The following SEMA5A variants were observed in gnomAD, a reference collection of about 807,000 sequenced individuals.
SEMA5A encodes semaphorin-5A.
A neutral mutation model predicts 135.5 loss-of-function variants in SEMA5A; 55 were observed. That is an observed-to-expected ratio of 0.41 (90% CI 0.33 to 0.51). The LOEUF (loss-of-function observed/expected upper bound fraction) is 0.51, where lower values mean the gene tolerates loss of function less well. Among genes scored for constraint, SEMA5A ranks in the 20% least tolerant of loss-of-function variants. The probability of loss-of-function intolerance (pLI) is 0.37; values close to 1 mark genes in which losing one functional copy is unlikely to be tolerated. For synonymous variants in SEMA5A, 580 were observed against 546.5 expected, an observed-to-expected ratio of 1.06 and a Z score of -0.85; for missense variants, 1,290 against 1,419.9, an observed-to-expected ratio of 0.91 and a Z score of 1.47.
intron 12 of SEMA5A, among the ~76,000 whole-genome samples, chr5:9,152,959 T>C (rs1020527091): frequency 2.0e-5 from 3 of 151,644 alleles, no homozygotes; most frequent in Non-Finnish European, 4.4e-5. Context: ...TTTCAGCTAC[T>C]CAGGAGGCTG....
At chr5:9,312,137 AG>A (rs1752167299) in intron 5 of SEMA5A, among the ~76,000 whole-genome samples, 1 of 152,148 alleles carries the variant, frequency 6.6e-6, no homozygotes, top group African/African-American at 2.4e-5. Flanking sequence ...AATTAGTCTG[AG>A]GCCAGCTCCA....
intron 11 of SEMA5A, among the ~76,000 whole-genome samples, chr5:9,181,829 G>C (rs1209402815): frequency 2.0e-5 from 3 of 151,938 alleles, no homozygotes; most frequent in Admixed American, 2.0e-4. Context: ...TGCCAACCCC[G>C]CATGGTACTC....
chr5:9,369,000 C>A (rs1044846671), intron 3 of SEMA5A, among the ~76,000 whole-genome samples: 3 of 152,184 alleles, frequency 2.0e-5, no homozygotes, highest in African/African-American at 7.2e-5. Flanking sequence ...CATTATGCAT[C>A]ATCATCCTGC....
intron 5 of SEMA5A, 78 bp downstream of exon 5, chr5:9,318,294 G>T: frequency 7.3e-7 from 1 of 1,372,948 alleles, no homozygotes; most frequent in Non-Finnish European, 1.0e-6. Context: ...ACCTTTACAT[G>T]CATCTGTCTT....
chr5:9,259,136 A>G (rs937869001), intron 5 of SEMA5A, among the ~76,000 whole-genome samples: 2 of 152,032 alleles, frequency 1.3e-5, no homozygotes, highest in African/African-American at 2.4e-5. Context: ...TATTTTTTAC[A>G]AAAAGCCTTT....
In SEMA5A at chr5:9,242,291, G is replaced by A. The variant is rs543670112; in HGVS notation, c.271-4401C>T. Among the ~76,000 whole-genome samples the A allele has an allele frequency of 7.0e-4, 107 of 152,258 alleles. 1 individual carries two copies. The highest frequency in any genetic ancestry group is 2.5e-3 in the African/African-American group (102 of 41,552). Reference sequence around the variant, plus strand: ...AATTATAATACCTTCATGGTCACACGTGTCAGGGTCACACAAGTGTCACTT... The same window carrying A: ...AATTATAATACCTTCATGGTCACACATGTCAGGGTCACACAAGTGTCACTT... On this transcript the variant is annotated intron_variant, in intron 5 of 22. Coordinates refer to ENST00000382496, the MANE Select transcript of SEMA5A (RefSeq NM_003966.3).
intron 16 of SEMA5A, among the ~76,000 whole-genome samples, chr5:9,106,193 A>T (rs1262401468): frequency 2.0e-5 from 3 of 152,202 alleles, no homozygotes. Flanking sequence ...AAACCTTTAA[A>T]TTTCCCAAAA....
intron 16 of SEMA5A, among the ~76,000 whole-genome samples, chr5:9,091,814 C>T (rs1422803227): frequency 2.0e-5 from 3 of 152,180 alleles, no homozygotes; most frequent in Non-Finnish European, 2.9e-5. Context: ...ATGACAACCC[C>T]TCTTATTGAA....
At chr5:9,056,492 C>T (rs1315785893) in intron 18 of SEMA5A, among the ~76,000 whole-genome samples, 1 of 152,162 alleles carries the variant, frequency 6.6e-6, no homozygotes, top group Non-Finnish European at 1.5e-5. Flanking sequence ...GAAGCCAAGA[C>T]AGGCGGATCA....
At position 9,202,089 on chromosome 5, in the gene SEMA5A, G is replaced by C; in HGVS notation, c.798C>G (p.Asp266Glu). 1 of 1,614,202 alleles carries C rather than the reference G, an allele frequency of 6.2e-7. No individual in the cohort carries two copies. The highest frequency in any genetic ancestry group is 1.1e-5 in the South Asian group (1 of 91,078). ...GAGCCTTCATGAATGTGGTCCAGGTGTCTTCCAGCAGGAAGCGCCCACCAA... is the reference window on the plus strand; with the variant it reads ...GAGCCTTCATGAATGTGGTCCAGGTCTCTTCCAGCAGGAAGCGCCCACCAA... Reference protein sequence around the residue: ...NDIGGRFLLEDTWTTFMKARL... With the variant: ...NDIGGRFLLEETWTTFMKARL... Residue 266 changes from aspartate to glutamate, a missense_variant, in exon 9 of 23, where the codon GAC (aspartate) becomes GAG (glutamate). By Grantham distance (45) the Asp-to-Glu change is conservative. Transcript: ENST00000382496.
chr5:9,182,722 T>C (rs1744589276), intron 11 of SEMA5A, among the ~76,000 whole-genome samples: 1 of 151,268 alleles, frequency 6.6e-6, no homozygotes, highest in African/African-American at 2.4e-5. Flanking sequence ...CTAGAATGCC[T>C]GCTTATTTTT....
At chr5:9,143,974 T>C (rs1742196915) in intron 12 of SEMA5A, among the ~76,000 whole-genome samples, 1 of 152,182 alleles carries the variant, frequency 6.6e-6, no homozygotes. Context: ...CACAGGGTGT[T>C]TCAATGGCCC....
intron 16 of SEMA5A, among the ~76,000 whole-genome samples, chr5:9,092,573 C>T (rs1327180306): frequency 6.6e-6 from 1 of 152,022 alleles, no homozygotes; most frequent in Non-Finnish European, 1.5e-5. Flanking sequence ...CCCTGCAAAG[C>T]TAATTAGAAA....
At chr5:9,210,907 T>C (rs1156417240) in intron 8 of SEMA5A, among the ~76,000 whole-genome samples, 1 of 152,164 alleles carries the variant, frequency 6.6e-6, no homozygotes, top group Non-Finnish European at 1.5e-5. Context: ...GATACTCCAA[T>C]AAGTACATGG....
chr5:9,407,616 A>G (rs1000012812), intron 2 of SEMA5A, among the ~76,000 whole-genome samples: 1 of 152,212 alleles, frequency 6.6e-6, no homozygotes, highest in Non-Finnish European at 1.5e-5. Context: ...GCTAATGACA[A>G]CAGAATTACC....
intron 4 of SEMA5A, among the ~76,000 whole-genome samples, chr5:9,319,063 G>GC (rs1424716856): frequency 1.4e-4 from 21 of 152,094 alleles, no homozygotes; most frequent in African/African-American, 5.1e-4. Flanking sequence ...AGTTATCCAG[G>GC]CATATTGGCT....
At chr5:9,339,081 C>T (rs1216562916) in intron 3 of SEMA5A, among the ~76,000 whole-genome samples, 1 of 152,044 alleles carries the variant, frequency 6.6e-6, no homozygotes, top group Admixed American at 6.6e-5. Flanking sequence ...TAAATTTCTA[C>T]ATTTTATAGG....
chr5:9,416,503 C>A (rs1757288927), intron 2 of SEMA5A, among the ~76,000 whole-genome samples: 1 of 152,152 alleles, frequency 6.6e-6, no homozygotes, highest in Non-Finnish European at 1.5e-5. Context: ...GGCATGCCTA[C>A]CTCGCCCCTA....
chr5:9,516,067 A>G (rs2126858803), intron 1 of SEMA5A, among the ~76,000 whole-genome samples: 1 of 152,350 alleles, frequency 6.6e-6, no homozygotes, highest in South Asian at 2.1e-4. Flanking sequence ...GCTTAATTCA[A>G]TTTAACTGAA....
Sources: gnomAD v4.1 joint callset for allele counts (sites outside exome capture counted in the v4.1 genomes callset) on GRCh38, gnomAD v4.1.1 for gene constraint, MANE v1.5 for transcripts, NCBI Gene and HGNC (gene_info 2026-07-23, HGNC 2026-07-21) for gene names.